The following TM2D1 variants were observed in gnomAD, a reference collection of about 807,000 sequenced individuals.
TM2D1 encodes the protein TM2 domain containing 1, also known as TM2 domain-containing protein 1.
Under a neutral mutation model 28.4 loss-of-function variants are expected in TM2D1, and 15 were observed. The ratio of observed to expected loss-of-function variants is 0.53; its 90% CI spans 0.35 to 0.81. TM2D1 has a LOEUF of 0.81. Among genes scored for constraint, TM2D1 ranks in the 40% least tolerant of loss-of-function variants. TM2D1 has a pLI of 0.01. For synonymous variants in TM2D1, 93 were observed against 96.2 expected (o/e 0.97, Z 0.20); for missense variants, 236 against 254.9 (o/e 0.93, Z 0.50).
intron 4 of TM2D1, among the ~76,000 whole-genome samples, chr1:61,695,455 G>A (rs568009921): frequency 3.3e-4 from 47 of 141,304 alleles, no homozygotes; most frequent in Non-Finnish European, 6.4e-4. Context: ...ACCCAAAAAC[G>A]ATTGTAAGAG....
At chr1:61,705,614 C>T (rs1160593611) in intron 3 of TM2D1, among the ~76,000 whole-genome samples, 1 of 152,130 alleles carries the variant, frequency 6.6e-6, no homozygotes, top group East Asian at 1.9e-4. Context: ...CCAAGTCTGG[C>T]CCATAAAATA....
chr1:61,690,365 G>T (rs1322839706), intron 5 of TM2D1, among the ~76,000 whole-genome samples: 1 of 143,754 alleles, frequency 7.0e-6, no homozygotes, highest in Non-Finnish European at 1.5e-5. Context: ...GCTGAGGGAT[G>T]AGAATCGCTT....
At chr1:61,710,477 C>T (rs950165393) in intron 2 of TM2D1, among the ~76,000 whole-genome samples, 2 of 93,086 alleles carry the variant, frequency 2.1e-5, no homozygotes, top group East Asian at 4.2e-4. Flanking sequence ...TATATATATA[C>T]ACACACACAC....
intron 2 of TM2D1, among the ~76,000 whole-genome samples, chr1:61,716,681 A>T (rs945855925): frequency 3.3e-5 from 5 of 151,086 alleles, no homozygotes; most frequent in African/African-American, 4.8e-5. Flanking sequence ...AGAAATGAAT[A>T]TAACATTGTG....
intron 5 of TM2D1, among the ~76,000 whole-genome samples, chr1:61,687,871 A>G (rs549923958): frequency 6.6e-6 from 1 of 152,360 alleles, no homozygotes; most frequent in Admixed American, 6.5e-5. Flanking sequence ...GTCTGCAAGT[A>G]AAGGCTAATG....
intron 3 of TM2D1, among the ~76,000 whole-genome samples, chr1:61,704,612 A>G (rs1644427890): frequency 6.6e-6 from 1 of 151,730 alleles, no homozygotes; most frequent in African/African-American, 2.4e-5. Context: ...TTGTATTTTC[A>G]GTAGAGACAG....
intron 4 of TM2D1, chr1:61,700,323 C>A (rs1644392405): frequency 1.4e-6 from 2 of 1,414,504 alleles, no homozygotes; most frequent in Admixed American, 7.0e-5. Flanking sequence ...GGTTGTAAGT[C>A]TTCAATAAGG....
chr1:61,696,783 T>G (rs1002642072), intron 4 of TM2D1, among the ~76,000 whole-genome samples: 10 of 152,094 alleles, frequency 6.6e-5, no homozygotes, highest in Admixed American at 3.3e-4. Flanking sequence ...CCACTATGCC[T>G]GGCTAGTTTT....
At chr1:61,717,886 T>C (rs1473658729) in intron 2 of TM2D1, among the ~76,000 whole-genome samples, 1 of 151,428 alleles carries the variant, frequency 6.6e-6, no homozygotes, top group Non-Finnish European at 1.5e-5. Context: ...TGGTGGCGCA[T>C]GTCTGTAATC....
chr1:61,713,787 A>C (rs1285215229), intron 2 of TM2D1, among the ~76,000 whole-genome samples: 1 of 152,084 alleles, frequency 6.6e-6, no homozygotes, highest in Non-Finnish European at 1.5e-5. Context: ...TTATGATACC[A>C]GCTGGGGATA....
intron 2 of TM2D1, among the ~76,000 whole-genome samples, chr1:61,717,145 G>A (rs1013810916): frequency 2.6e-5 from 4 of 151,740 alleles, no homozygotes; most frequent in African/African-American, 7.3e-5. Flanking sequence ...TCAGGAGATC[G>A]AGACCATCCT....
chr1:61,706,256 G>A (rs957526652), intron 3 of TM2D1, among the ~76,000 whole-genome samples: 3 of 152,080 alleles, frequency 2.0e-5, no homozygotes, highest in Non-Finnish European at 4.4e-5. Flanking sequence ...ATGCTGTAGT[G>A]CAGTAGCCAT....
chr1:61,717,409 G>A (rs1295321735), intron 2 of TM2D1, among the ~76,000 whole-genome samples: 2 of 151,840 alleles, frequency 1.3e-5, no homozygotes, highest in African/African-American at 4.8e-5. Context: ...ATGTTACCTA[G>A]TAGACAAAAT....
intron 3 of TM2D1, 87 bp downstream of exon 3, chr1:61,709,242 T>C (rs1644460630): frequency 1.3e-6 from 1 of 782,346 alleles, no homozygotes; most frequent in Admixed American, 2.5e-5. Flanking sequence ...TTCAGGATAG[T>C]CCCCATAAAT....
chr1:61,714,290 C>G (rs563075690), intron 2 of TM2D1, among the ~76,000 whole-genome samples: 1 of 151,446 alleles, frequency 6.6e-6, no homozygotes, highest in East Asian at 2.0e-4. Context: ...CACCTGTAAT[C>G]CCAGCACTTT....
intron 5 of TM2D1, 81 bp downstream of exon 5, chr1:61,694,616 A>G: frequency 1.0e-6 from 1 of 960,162 alleles, no homozygotes; most frequent in East Asian, 2.7e-5. Flanking sequence ...CTCGTATACT[A>G]AACATTTTAA....
chr1:61,713,720 T>C (rs1171514527), intron 2 of TM2D1, among the ~76,000 whole-genome samples: 1 of 152,074 alleles, frequency 6.6e-6, no homozygotes, highest in East Asian at 1.9e-4. Flanking sequence ...TGTGAGATCT[T>C]CCTGCAGATT....
At chr1:61,717,622 G>A (rs1305023428) in intron 2 of TM2D1, among the ~76,000 whole-genome samples, 1 of 151,958 alleles carries the variant, frequency 6.6e-6, no homozygotes, top group Non-Finnish European at 1.5e-5. Flanking sequence ...TGCCCAAGAT[G>A]GAGTGAAGTG....
intron 4 of TM2D1, among the ~76,000 whole-genome samples, chr1:61,696,490 G>A (rs1644363561): frequency 6.7e-6 from 1 of 149,756 alleles, no homozygotes; most frequent in East Asian, 2.0e-4. Flanking sequence ...AGTGAGCTGA[G>A]ACTGTGCCAC....
Sources: allele counts gnomAD v4.1 joint callset (sites outside exome capture counted in the v4.1 genomes callset), GRCh38; gene constraint gnomAD v4.1.1; transcripts MANE v1.5; gene names NCBI Gene and HGNC (gene_info 2026-07-23, HGNC 2026-07-21).